OTOF: variants seen among roughly 807,000 people sequenced by gnomAD.
OTOF encodes the protein fer-1-like family member 2.
OTOF carries 218 observed loss-of-function variants against 236.8 expected under a neutral mutation model. The observed-to-expected ratio is 0.92, with a 90% confidence interval of 0.82 to 1.03. The LOEUF is 1.03. Among genes scored for constraint, OTOF ranks in the 50% least tolerant of loss-of-function variants. OTOF has a pLI of 0.00. For synonymous variants in OTOF, 1,041 were observed against 1,072.5 expected, an observed-to-expected ratio of 0.97 and a Z score of 0.57; for missense variants, 2,590 against 2,694.4, an observed-to-expected ratio of 0.96 and a Z score of 0.86.
intron 46 of OTOF, among the ~76,000 whole-genome samples, chr2:26,458,965 G>A (rs1037547336): frequency 6.6e-5 from 10 of 152,106 alleles, no homozygotes; most frequent in Non-Finnish European, 1.5e-4. Flanking sequence ...TATCAACCTC[G>A]GTTTCTTCAT....
chr2:26,505,995 T>C (rs1377275156), intron 5 of OTOF, among the ~76,000 whole-genome samples: 1 of 152,178 alleles, frequency 6.6e-6, no homozygotes, highest in Non-Finnish European at 1.5e-5. Context: ...AACAGATCAA[T>C]GAACCCACCA....
rs80356573 is a variant in OTOF at position 26,474,612 on chromosome 2, C to G, written c.3189G>C (p.Ala1063=). The change falls in exon 26 of 47, where the codon GCG becomes GCC. Residue 1063 remains alanine, a synonymous_variant. Coordinates refer to ENST00000272371, the MANE Select transcript of OTOF (RefSeq NM_194248.3). The part of the protein sequence containing the change: ...AKPLVKMADE[A]YCPPRFPPQL... ...GAGGTGGGAAGCGGGGTGGGCAGTA[C>G]GCCTCGTCTGCCATCTTCACCAGGG... 1 of 1,613,180 alleles carries G rather than the reference C, an allele frequency of 6.2e-7. No homozygotes were observed. Among genetic ancestry groups the G allele is most frequent in the South Asian group, 1.1e-5 (1 of 91,084 alleles).
At chr2:26,555,570 G>A (rs1302891024) in intron 1 of OTOF, among the ~76,000 whole-genome samples, 1 of 152,152 alleles carries the variant, frequency 6.6e-6, no homozygotes, top group Non-Finnish European at 1.5e-5. Flanking sequence ...GAAAAGAGGT[G>A]GCCACGGGCA....
intron 36 of OTOF, chr2:26,466,297 G>C: frequency 1.6e-6 from 1 of 606,846 alleles, no homozygotes; most frequent in South Asian, 1.9e-5. Context: ...TGATCTCCCT[G>C]GTGCCTCCCA....
rs1667374787 is a variant in OTOF, at chr2:26,548,005, T to A, written c.80-10231A>T. ...TTTGGATTTTCCATTTCTTTTTCTG[T>A]CAGTTTTGGTAAGTTGTTTTTCAAA... On this transcript the variant is annotated intron_variant, in intron 1 of 46. Coordinates refer to ENST00000272371, the MANE Select transcript of OTOF (RefSeq NM_194248.3). Among the ~76,000 whole-genome samples the A allele has an allele frequency of 2.0e-5, 3 of 152,192 alleles. No individual in the cohort carries two copies. In the South Asian group the frequency reaches 6.2e-4, roughly 32 times the overall value.
In OTOF at chr2:26,465,699, G is replaced by A. The variant is rs1157233169; in HGVS notation, c.4772C>T (p.Thr1591Ile). 1 of 1,614,272 alleles carries A rather than the reference G, an allele frequency of 6.2e-7. No homozygotes were observed. The highest frequency in any genetic ancestry group is 1.7e-5 in the Admixed American group (1 of 60,034). ...ENRFYSKHRA[T>I]CGIAQTYSTH... is the part of the protein sequence containing the mutation. ...GGAGTAGGTCTGGGCGATGCCGCAG[G>A]TGGCGCGGTGCTTGCTGTAGAAGCG... The change falls in exon 38 of 47, where the codon ACC (threonine) becomes ATC (isoleucine). Residue 1591 changes from threonine to isoleucine, a missense_variant. Around this residue, in one of 2 missense-constraint regions of OTOF, gnomAD observed 1,211 missense variants for 1,352.8 expected, o/e 0.90. Transcript: ENST00000272371.
Position 26,558,522 on chromosome 2 carries a change from C to T in OTOF, c.50G>A (p.Gly17Asp). 1.2e-6 allele frequency: 2 copies of T among 1,614,030 alleles called. No individual in the cohort carries two copies. Among genetic ancestry groups the T allele is most frequent in the South Asian group, 2.2e-5 (2 of 91,084 alleles). The change falls in exon 1 of 47, where the codon GGC (glycine) becomes GAC (aspartate). Residue 17 changes from glycine (G) to aspartate (D), a missense_variant. Transcript: ENST00000272371. ...LKTVSELRGR[G>D]DRIAKVTFRG... is the part of the protein sequence containing the mutation. ...GAAAGTCACTTTGGCGATCCGGTCG[C>T]CCCTGCCCCGCAGCTCCGAGACTGT...
intron 1 of OTOF, among the ~76,000 whole-genome samples, chr2:26,540,413 G>A (rs566732644): frequency 4.6e-5 from 7 of 152,222 alleles, no homozygotes; most frequent in African/African-American, 9.6e-5. Flanking sequence ...CTAGAGCGGC[G>A]TCAGGCCAAG....
At position 26,470,979 on chromosome 2, in the gene OTOF, C is replaced by T. The variant is rs922046292; in HGVS notation, c.3894+142G>A. The T allele has an allele frequency of 1.7e-6, 2 of 1,194,304 alleles. No individual in the cohort carries two copies. The highest frequency in any genetic ancestry group is 1.2e-6 in the Non-Finnish European group (1 of 809,134). 74.0% of individuals were successfully genotyped at this position (1,194,304 alleles called of 1,614,324 possible). ...CCTGCACTCACCCAGCTCTTTTCCA[C>T]TGCATCTTAGGGGAGGTGTGCTGGC... On this transcript the variant is annotated intron_variant, in intron 31 of 46. Coordinates refer to ENST00000272371, the MANE Select transcript of OTOF (RefSeq NM_194248.3). This position sits in a 1 kb window ranked among gnomAD's most constrained non-coding sequence, Gnocchi z 4.3.
At chr2:26,471,985 G>T (rs1157431242) in intron 30 of OTOF, among the ~76,000 whole-genome samples, 2 of 151,460 alleles carry the variant, frequency 1.3e-5, no homozygotes, top group Non-Finnish European at 2.9e-5. Context: ...CACACCACAT[G>T]CACACACATA....
intron 25 of OTOF, 38 bp from the exon 26 acceptor site, chr2:26,474,712 G>A (rs1431061232): frequency 6.2e-7 from 1 of 1,610,408 alleles, no homozygotes. Context: ...CTTGGTGCTT[G>A]CTGTCCACAC....
chr2:26,540,834 A>G (rs1667195991), intron 1 of OTOF, among the ~76,000 whole-genome samples: 1 of 152,228 alleles, frequency 6.6e-6, no homozygotes, highest in Non-Finnish European at 1.5e-5. Flanking sequence ...GATGTGAAGT[A>G]AACATGATGG....
At chr2:26,459,859 G>GGTGGCACA (rs766327800) in intron 46 of OTOF, 149 bp downstream of exon 46, 12,628 of 752,332 alleles carry the variant, frequency 0.017, 142 homozygotes, top group African/African-American at 0.023. Flanking sequence ...GTATGCACTT[G>GGTGGCACA]TGCGTGGCAC....
intron 1 of OTOF, among the ~76,000 whole-genome samples, chr2:26,558,237 C>T (rs1049739089): frequency 7.2e-5 from 11 of 152,038 alleles, no homozygotes; most frequent in African/African-American, 2.4e-4. Flanking sequence ...GCTCTGTGCC[C>T]TGCCCGGGGA....
intron 8 of OTOF, among the ~76,000 whole-genome samples, chr2:26,500,742 A>T (rs73920302): frequency 0.063 from 9,612 of 152,236 alleles, 1,029 homozygotes; most frequent in African/African-American, 0.22. Flanking sequence ...ACATGGCCAG[A>T]TGTACCTTTT....
chr2:26,493,287 G>C (rs1029188548), intron 9 of OTOF, among the ~76,000 whole-genome samples: 2 of 152,132 alleles, frequency 1.3e-5, no homozygotes, highest in African/African-American at 4.8e-5. Flanking sequence ...TTTTCTTCCT[G>C]CAGGTGCACA....
At chr2:26,553,602 C>G (rs1047725550) in intron 1 of OTOF, among the ~76,000 whole-genome samples, 1 of 152,152 alleles carries the variant, frequency 6.6e-6, no homozygotes, top group Admixed American at 6.5e-5. Flanking sequence ...CAGTAAGGCT[C>G]GGAAAGAGGC....
intron 35 of OTOF, 49 bp downstream of exon 35, chr2:26,467,050 G>T (rs766145616): frequency 1.1e-5 from 18 of 1,607,902 alleles, no homozygotes; most frequent in Non-Finnish European, 1.5e-5. Context: ...CCTGTGGGGG[G>T]GGCAAGGGCT....
intron 8 of OTOF, among the ~76,000 whole-genome samples, chr2:26,498,925 C>T (rs949498308): frequency 6.6e-6 from 1 of 152,096 alleles, no homozygotes; most frequent in African/African-American, 2.4e-5. Flanking sequence ...CCAGTGGTGG[C>T]ATGGAGTTTG....
Sources: gnomAD v4.1 joint callset for allele counts (sites outside exome capture counted in the v4.1 genomes callset) on GRCh38, gnomAD v4.1.1 for gene constraint, gnomAD v4.1.1 regional missense constraint, Gnocchi (gnomAD v3.1) non-coding constraint, MANE v1.5 for transcripts, NCBI Gene and HGNC (gene_info 2026-07-23, HGNC 2026-07-21) for gene names.